VRK2: variants seen among roughly 807,000 people sequenced by gnomAD.
VRK2 encodes the protein serine/threonine-protein kinase VRK2.
In VRK2, 60 loss-of-function variants were observed where a neutral mutation model predicts 57.6. The ratio of observed to expected loss-of-function variants is 1.04; its 90% CI spans 0.85 to 1.29. VRK2 has a LOEUF of 1.29. Among genes scored for constraint, VRK2 ranks in the 50% most tolerant of loss-of-function variants. The pLI, the probability that VRK2 is intolerant of heterozygous loss-of-function variation, is 0.00. For synonymous variants in VRK2, 231 were observed against 199.2 expected (o/e 1.16, Z -1.35); for missense variants, 705 against 588.1 (o/e 1.20, Z -2.06).
intron 1 of VRK2, among the ~76,000 whole-genome samples, chr2:57,996,049 A>C (rs1017365159): frequency 6.6e-6 from 1 of 152,216 alleles, no homozygotes; most frequent in African/African-American, 2.4e-5. Flanking sequence ...ACTATTTATA[A>C]AACATTTACA....
intron 3 of VRK2, among the ~76,000 whole-genome samples, chr2:58,034,611 G>C (rs1201095941): frequency 6.6e-6 from 1 of 151,908 alleles, no homozygotes; most frequent in Non-Finnish European, 1.5e-5. Context: ...ATATATGAGT[G>C]AGTGAATGAA....
chr2:57,913,852 T>C (rs1320414278), intron 1 of VRK2, among the ~76,000 whole-genome samples: 1 of 152,060 alleles, frequency 6.6e-6, no homozygotes, highest in Non-Finnish European at 1.5e-5. Context: ...GAAGTACTTT[T>C]TAATGGGGCT....
At chr2:57,908,624 C>T (rs1669898742) in intron 1 of VRK2, among the ~76,000 whole-genome samples, 1 of 152,138 alleles carries the variant, frequency 6.6e-6, no homozygotes, top group Admixed American at 6.5e-5. Context: ...GGCATCCACA[C>T]TACCATATTT....
chr2:57,944,715 A>T (rs1671205492), intron 1 of VRK2, among the ~76,000 whole-genome samples: 2 of 151,932 alleles, frequency 1.3e-5, no homozygotes. Flanking sequence ...CAGCCTAGGC[A>T]ACAGAGCGAG....
intron 2 of VRK2, among the ~76,000 whole-genome samples, chr2:58,072,808 A>T (rs1669544866): frequency 6.6e-6 from 1 of 151,810 alleles, no homozygotes; most frequent in Non-Finnish European, 1.5e-5. Flanking sequence ...TCTGTTTTCT[A>T]GGAGAGATTG....
At chr2:57,942,043 G>C (rs1671112550) in intron 1 of VRK2, among the ~76,000 whole-genome samples, 2 of 152,162 alleles carry the variant, frequency 1.3e-5, no homozygotes, top group South Asian at 4.1e-4. Flanking sequence ...TGGGCCTTCA[G>C]TTAAACTAAT....
At chr2:57,916,861 AC>A (rs1273049439) in intron 1 of VRK2, among the ~76,000 whole-genome samples, 1 of 152,224 alleles carries the variant, frequency 6.6e-6, no homozygotes, top group African/African-American at 2.4e-5. Flanking sequence ...AAGTTCTTCT[AC>A]CTTCTGTTTT....
intron 2 of VRK2, 85 bp from the exon 3 acceptor site, chr2:58,084,004 G>GCTTA (rs1671267588): frequency 7.6e-6 from 11 of 1,438,110 alleles, no homozygotes; most frequent in Middle Eastern, 1.8e-4. Context: ...TATGTAAAAT[G>GCTTA]CTTAGCATAG....
chr2:58,041,399 CAG>C, intron 3 of VRK2, among the ~76,000 whole-genome samples: 1 of 152,240 alleles, frequency 6.6e-6, no homozygotes, highest in East Asian at 1.9e-4. Flanking sequence ...AACACCAGTT[CAG>C]GCCATGATGG....
intron 1 of VRK2, among the ~76,000 whole-genome samples, chr2:57,975,439 A>C (rs1011582173): frequency 2.0e-5 from 3 of 152,046 alleles, no homozygotes. Context: ...AATAACACAA[A>C]TGTATTATCT....
intron 1 of VRK2, among the ~76,000 whole-genome samples, chr2:58,010,869 T>C (rs2103647027): frequency 6.6e-6 from 1 of 152,272 alleles, no homozygotes; most frequent in South Asian, 2.1e-4. Flanking sequence ...GACAGGGAAT[T>C]TCCTCTATAT....
intron 11 of VRK2, among the ~76,000 whole-genome samples, chr2:58,141,187 CGTA>C (rs1187436045): frequency 1.3e-5 from 2 of 151,930 alleles, no homozygotes; most frequent in Admixed American, 1.3e-4. Context: ...ATTTCCTTGA[CGTA>C]GTATTTTCGT....
In VRK2 at chr2:58,135,153, G is replaced by T; in HGVS notation, c.810G>T (p.Glu270Asp). ...VQTAKTNLLD[E>D]LPQSVLKWAP... ...TATTTTGTTTTAGTCTGTTGGACGA[G>T]CTCCCCCAGTCAGTGCTTAAATGGG... is the stretch of plus-strand genomic sequence containing the variant. Residue 270 changes from glutamate to aspartate, a missense_variant, in exon 10 of 13, where the codon GAG becomes GAT. By Grantham distance (45) the Glu-to-Asp change is conservative. Coordinates refer to ENST00000340157, the MANE Select transcript of VRK2 (RefSeq NM_006296.7). The T allele has an allele frequency of 6.2e-7, 1 of 1,614,082 alleles. No individual in the cohort carries two copies. The highest frequency in any genetic ancestry group is 8.5e-7 in the Non-Finnish European group (1 of 1,179,984).
chr2:58,046,782 G>A (rs1674804669), upstream of VRK2: 1 of 985,564 alleles, frequency 1.0e-6, no homozygotes, highest in Non-Finnish European at 1.2e-6. Flanking sequence ...CCTCCCCGCG[G>A]GACTGTAGGC....
chr2:57,970,536 A>C (rs906501282), intron 1 of VRK2, among the ~76,000 whole-genome samples: 3 of 149,130 alleles, frequency 2.0e-5, no homozygotes, highest in African/African-American at 7.4e-5. Context: ...CATAGAGAAA[A>C]TATAAAGAAA....
intron 1 of VRK2, among the ~76,000 whole-genome samples, chr2:57,991,462 G>A (rs915942308): frequency 1.2e-4 from 18 of 152,044 alleles, no homozygotes; most frequent in African/African-American, 4.1e-4. Flanking sequence ...ACAAATAGTT[G>A]TTTGGACAGA....
chr2:58,088,413 A>G lies in VRK2; in HGVS notation c.417A>G (p.Lys139=). 6.2e-7 allele frequency: 1 copy of G among 1,613,432 alleles called. No individual in the cohort carries two copies. Among genetic ancestry groups the G allele is most frequent in the Non-Finnish European group, 8.5e-7 (1 of 1,179,562 alleles). ...QKISGQNGTF[K]KSTVLQLGIR... ...TCTCAGGCCAGAATGGTACCTTTAA[A>G]AAGTCAACTGTCCTGCAATTAGGTA... is the stretch of plus-strand genomic sequence containing the variant. Residue 139 remains lysine, a synonymous_variant, in exon 6 of 13, where the codon AAA becomes AAG. Transcript: ENST00000340157.
intron 1 of VRK2, among the ~76,000 whole-genome samples, chr2:57,989,505 T>C (rs1672699069): frequency 6.6e-6 from 1 of 152,226 alleles, no homozygotes; most frequent in East Asian, 1.9e-4. Flanking sequence ...ATGACTTCAA[T>C]CTATAAATAT....
intron 1 of VRK2, among the ~76,000 whole-genome samples, chr2:57,943,162 G>A (rs933104847): frequency 2.6e-5 from 4 of 152,114 alleles, no homozygotes; most frequent in African/African-American, 9.7e-5. Context: ...CAAACTGAAT[G>A]CTTGAATACT....
Sources: gnomAD v4.1 joint callset for allele counts (sites outside exome capture counted in the v4.1 genomes callset) on GRCh38, gnomAD v4.1.1 for gene constraint, MANE v1.5 for transcripts, NCBI Gene and HGNC (gene_info 2026-07-23, HGNC 2026-07-21) for gene names.